Variants in EPHA5 observed in about 807,000 individuals in gnomAD.
EPHA5 encodes ephrin type-A receptor 5.
A neutral mutation model predicts 105.0 loss-of-function variants in EPHA5; 60 were observed. The ratio of observed to expected loss-of-function variants is 0.57; its 90% confidence interval spans 0.46 to 0.71. The LOEUF (loss-of-function observed/expected upper bound fraction) is 0.71, where lower values mean the gene tolerates loss of function less well. Ranked by LOEUF, EPHA5 falls within the 30% of genes least tolerant of loss-of-function variation. The pLI, the probability that EPHA5 is intolerant of heterozygous loss-of-function variation, is 0.00. For missense variants in EPHA5, 1,218 were observed against 1,274.7 expected (o/e 0.96, Z 0.68); for synonymous variants, 513 against 449.1 (o/e 1.14, Z -1.80).
At chr4:65,352,154 T>G (rs1298018860) in intron 12 of EPHA5, among the ~76,000 whole-genome samples, 1 of 152,004 alleles carries the variant, frequency 6.6e-6, no homozygotes, top group Non-Finnish European at 1.5e-5. Context: ...ATGGCTATTT[T>G]AAAATAAAGG....
chr4:65,335,656 A>AT (rs10713255), intron 15 of EPHA5, among the ~76,000 whole-genome samples: 3 of 151,464 alleles, frequency 2.0e-5, no homozygotes, highest in Non-Finnish European at 2.9e-5. Context: ...CACACATTTA[A>AT]TTTTTTTTTA....
intron 5 of EPHA5, among the ~76,000 whole-genome samples, chr4:65,426,510 T>C (rs1724453054): frequency 1.3e-5 from 2 of 152,216 alleles, no homozygotes; most frequent in Non-Finnish European, 2.9e-5. Flanking sequence ...TCTTATATTC[T>C]ACAGGAATAT....
intron 3 of EPHA5, among the ~76,000 whole-genome samples, chr4:65,592,074 A>T (rs1346253199): frequency 6.6e-6 from 1 of 152,082 alleles, no homozygotes; most frequent in Non-Finnish European, 1.5e-5. Flanking sequence ...GGAGCTATAA[A>T]ATTTAGAATT....
At chr4:65,637,212 C>T (rs541916671) in intron 2 of EPHA5, among the ~76,000 whole-genome samples, 1 of 129,140 alleles carries the variant, frequency 7.7e-6, no homozygotes, top group South Asian at 2.6e-4. Context: ...ACCATGCCAG[C>T]ATGCACAGAA....
At chr4:65,347,893 T>C (rs1266151431) in intron 14 of EPHA5, among the ~76,000 whole-genome samples, 161 bp downstream of exon 14, 1 of 152,204 alleles carries the variant, frequency 6.6e-6, no homozygotes, top group Non-Finnish European at 1.5e-5. Flanking sequence ...TTTGAGCTCC[T>C]GCTTAAAGGA....
chr4:65,509,681 C>T (rs1213714842), intron 3 of EPHA5, among the ~76,000 whole-genome samples: 4 of 152,070 alleles, frequency 2.6e-5, no homozygotes, highest in Non-Finnish European at 5.9e-5. Context: ...TTTTGCGACC[C>T]TATGACAAAG....
chr4:65,583,686 G>A (rs906601595), intron 3 of EPHA5, among the ~76,000 whole-genome samples: 2 of 151,532 alleles, frequency 1.3e-5, no homozygotes, highest in East Asian at 1.9e-4. Context: ...AATGTGGTCC[G>A]GCACTTTTCC....
intron 5 of EPHA5, among the ~76,000 whole-genome samples, chr4:65,481,897 C>T (rs1730400432): frequency 6.6e-6 from 1 of 152,156 alleles, no homozygotes; most frequent in Non-Finnish European, 1.5e-5. Context: ...AACTGAAAAA[C>T]AGGCTAAGTT....
chr4:65,531,076 G>T (rs1735741581), intron 3 of EPHA5, among the ~76,000 whole-genome samples: 1 of 149,666 alleles, frequency 6.7e-6, no homozygotes, highest in Admixed American at 6.7e-5. Context: ...TGTCGCCCAG[G>T]CCGGACTGCG....
At chr4:65,343,905 T>C (rs1721971994) in intron 14 of EPHA5, among the ~76,000 whole-genome samples, 1 of 152,134 alleles carries the variant, frequency 6.6e-6, no homozygotes, top group Non-Finnish European at 1.5e-5. Flanking sequence ...CAATTTCTAG[T>C]GTTTTTCTAA....
chr4:65,518,781 T>A (rs752341199), intron 3 of EPHA5, among the ~76,000 whole-genome samples: 33 of 152,014 alleles, frequency 2.2e-4, no homozygotes, highest in Non-Finnish European at 4.3e-4. Context: ...GTTGAATCCC[T>A]GAGTACAACA....
chr4:65,438,907 G>T (rs1240501587), intron 5 of EPHA5, among the ~76,000 whole-genome samples: 1 of 152,088 alleles, frequency 6.6e-6, no homozygotes, highest in Non-Finnish European at 1.5e-5. Flanking sequence ...GAAGTTCTGA[G>T]AAGGTGAATA....
intron 3 of EPHA5, among the ~76,000 whole-genome samples, chr4:65,544,507 C>G (rs1737179739): frequency 6.6e-6 from 1 of 151,758 alleles, no homozygotes. Flanking sequence ...TAGAGAAATG[C>G]AAATCAAAGC....
At chr4:65,485,866 C>T (rs1730832451) in intron 5 of EPHA5, among the ~76,000 whole-genome samples, 2 of 152,214 alleles carry the variant, frequency 1.3e-5, no homozygotes, top group South Asian at 4.1e-4. Flanking sequence ...TCTAACCTTC[C>T]CTTGTTTCTT....
intron 3 of EPHA5, among the ~76,000 whole-genome samples, chr4:65,563,982 G>A (rs1278167803): frequency 1.3e-5 from 2 of 151,854 alleles, no homozygotes; most frequent in Non-Finnish European, 2.9e-5. Context: ...TTTTTGCCAA[G>A]TATCCTTTAT....
intron 3 of EPHA5, among the ~76,000 whole-genome samples, chr4:65,547,579 C>T (rs1467839469): frequency 1.3e-5 from 2 of 151,938 alleles, no homozygotes; most frequent in Non-Finnish European, 2.9e-5. Context: ...TAGACTTCCT[C>T]TTTTTATTAC....
chr4:65,348,260 A>C, intron 13 of EPHA5, 57 bp from the exon 14 acceptor site: 1 of 1,491,094 alleles, frequency 6.7e-7, no homozygotes, highest in Non-Finnish European at 9.1e-7. Flanking sequence ...GCCTAGGGAC[A>C]GTGTTGCCTC....
chr4:65,613,963 T>A (rs1253086077), intron 2 of EPHA5, among the ~76,000 whole-genome samples: 1 of 151,986 alleles, frequency 6.6e-6, no homozygotes, highest in Non-Finnish European at 1.5e-5. Context: ...ATCGATATAT[T>A]TTGTTGCACT....
intron 8 of EPHA5, among the ~76,000 whole-genome samples, chr4:65,375,097 C>T (rs1403292994): frequency 6.6e-6 from 1 of 151,808 alleles, no homozygotes; most frequent in Non-Finnish European, 1.5e-5. Context: ...CTGATTCCTA[C>T]CCAGTAAAAA....
Sources: allele counts gnomAD v4.1 joint callset (sites outside exome capture counted in the v4.1 genomes callset), GRCh38; gene constraint gnomAD v4.1.1; transcripts MANE v1.5; gene names NCBI Gene and HGNC (gene_info 2026-07-23, HGNC 2026-07-21).